ARHGAP22: variants seen among roughly 807,000 people sequenced by gnomAD.
ARHGAP22 encodes the protein Rho GTPase activating protein 22.
In ARHGAP22, 48 loss-of-function variants were observed where a neutral mutation model predicts 59.1. That is an observed-to-expected ratio of 0.81 (90% CI 0.64 to 1.03). The LOEUF (loss-of-function observed/expected upper bound fraction) is 1.03. Ranked by LOEUF, ARHGAP22 falls within the 50% of genes least tolerant of loss-of-function variation. The pLI, the probability that ARHGAP22 is intolerant of heterozygous loss-of-function variation, is 0.00. For missense variants in ARHGAP22, 1,015 were observed against 958.7 expected, an observed-to-expected ratio of 1.06 and a Z score of -0.78; for synonymous variants, 445 against 416.4, an observed-to-expected ratio of 1.07 and a Z score of -0.84.
chr10:48,615,669 T>G (rs1005414466), intron 1 of ARHGAP22, among the ~76,000 whole-genome samples: 1 of 152,132 alleles, frequency 6.6e-6, no homozygotes, highest in African/African-American at 2.4e-5. Context: ...GATATTGGAC[T>G]TACTAGACAA....
chr10:48,616,476 T>C (rs541177193), intron 1 of ARHGAP22, among the ~76,000 whole-genome samples: 13 of 152,260 alleles, frequency 8.5e-5, no homozygotes, highest in African/African-American at 2.9e-4. Context: ...GACATGACTG[T>C]ATATATCACA....
downstream of ARHGAP22, among the ~76,000 whole-genome samples, chr10:48,441,474 C>CAT (rs903301687): frequency 1.5e-5 from 2 of 136,872 alleles, no homozygotes; most frequent in Non-Finnish European, 3.0e-5. Context: ...TTTTTTGAGA[C>CAT]AGAGTCTCGC....
At chr10:48,630,699 T>G (rs1164218065) in intron 1 of ARHGAP22, among the ~76,000 whole-genome samples, 1 of 152,240 alleles carries the variant, frequency 6.6e-6, no homozygotes, top group East Asian at 1.9e-4. Flanking sequence ...CCATCAATTT[T>G]ATGGAATTTT....
the ARHGAP22 span, among the ~76,000 whole-genome samples, chr10:48,433,012 T>G: frequency 6.6e-6 from 1 of 152,246 alleles, no homozygotes; most frequent in Non-Finnish European, 1.5e-5. Context: ...TTTATTCTTT[T>G]TCCCTGTCGA....
At chr10:48,540,130 T>A in intron 3 of ARHGAP22, among the ~76,000 whole-genome samples, 1 of 152,188 alleles carries the variant, frequency 6.6e-6, no homozygotes, top group Non-Finnish European at 1.5e-5. Context: ...ATTAAGAGTG[T>A]CAAATAAGTC....
At chr10:48,527,979 T>C (rs2054486698) in intron 3 of ARHGAP22, among the ~76,000 whole-genome samples, 1 of 152,150 alleles carries the variant, frequency 6.6e-6, no homozygotes, top group Non-Finnish European at 1.5e-5. Flanking sequence ...GACACCAGCT[T>C]TGAGGACAAA....
Position 48,616,547 on chromosome 10 carries a change from A to T in ARHGAP22, c.53-33395T>A, listed in dbSNP as rs141347657. On this transcript the variant is annotated intron_variant, in intron 1 of 9. Transcript: ENST00000435790. The stretch of plus-strand genomic sequence containing the variant: ...TCTGTACTAAGTCACATTATAATCA[A>T]ATTGTCAAAAGCCAGCGTCAGGGAG... 5.1e-3 allele frequency among the ~76,000 whole-genome samples: 783 copies of T among 152,288 alleles called. 10 individuals carry two copies. The highest frequency in any genetic ancestry group is 0.018 in the African/African-American group (755 of 41,564).
chr10:48,586,830 C>T (rs1166190257), intron 1 of ARHGAP22, among the ~76,000 whole-genome samples: 2 of 152,154 alleles, frequency 1.3e-5, no homozygotes, highest in Non-Finnish European at 1.5e-5. Flanking sequence ...AGCTGATTGC[C>T]CACAGCAGGA....
intron 3 of ARHGAP22, among the ~76,000 whole-genome samples, chr10:48,498,507 T>C (rs2134330543): frequency 6.6e-6 from 1 of 152,284 alleles, no homozygotes; most frequent in South Asian, 2.1e-4. Context: ...CACAAGGATT[T>C]AGAGCCCTCT....
At chr10:48,654,586 C>T (rs1376883576), upstream of ARHGAP22, among the ~76,000 whole-genome samples, 1 of 152,146 alleles carries the variant, frequency 6.6e-6, no homozygotes, top group Non-Finnish European at 1.5e-5. Context: ...GGCACTGCAA[C>T]CAAGGTTGGG....
chr10:48,640,445 T>A (rs759518423), intron 1 of ARHGAP22, among the ~76,000 whole-genome samples: 1 of 152,114 alleles, frequency 6.6e-6, no homozygotes, highest in Non-Finnish European at 1.5e-5. Flanking sequence ...GACAAACTCT[T>A]GAAAGTCAAA....
intron 4 of ARHGAP22, 47 bp downstream of exon 4, chr10:48,479,589 T>C: frequency 6.2e-7 from 1 of 1,613,438 alleles, no homozygotes; most frequent in African/African-American, 1.3e-5. Context: ...CATGATTACC[T>C]GGAGGCAAGG....
At chr10:48,552,301 G>A (rs906674627) in intron 3 of ARHGAP22, among the ~76,000 whole-genome samples, 1 of 152,268 alleles carries the variant, frequency 6.6e-6, no homozygotes, top group Non-Finnish European at 1.5e-5. Context: ...GTGATCCGGG[G>A]TTTGTCCTCC....
At chr10:48,602,732 C>T (rs190045145) in intron 1 of ARHGAP22, among the ~76,000 whole-genome samples, 342 of 152,276 alleles carry the variant, frequency 2.2e-3, no homozygotes, top group African/African-American at 7.8e-3. Context: ...TCACGAAGCT[C>T]ATGGAGCAAT....
At chr10:48,574,237 T>C (rs961069075) in intron 2 of ARHGAP22, among the ~76,000 whole-genome samples, 1 of 151,722 alleles carries the variant, frequency 6.6e-6, no homozygotes, top group Non-Finnish European at 1.5e-5. Flanking sequence ...TTTTCTCATT[T>C]ATTCATTCAT....
chr10:48,550,114 T>G (rs1255699500), intron 3 of ARHGAP22, among the ~76,000 whole-genome samples: 1 of 152,234 alleles, frequency 6.6e-6, no homozygotes, highest in Non-Finnish European at 1.5e-5. Context: ...TCTGCCCAGC[T>G]GCTCTCCCTG....
chr10:48,518,911 A>T (rs1242739707), intron 3 of ARHGAP22, among the ~76,000 whole-genome samples: 1 of 152,232 alleles, frequency 6.6e-6, no homozygotes, highest in East Asian at 1.9e-4. Flanking sequence ...GAAAAGGATG[A>T]AATTGAGAAT....
At chr10:48,620,182 TCA>T (rs1257430260) in intron 1 of ARHGAP22, among the ~76,000 whole-genome samples, 1 of 152,096 alleles carries the variant, frequency 6.6e-6, no homozygotes, top group Non-Finnish European at 1.5e-5. Context: ...ATACAGTTCC[TCA>T]CAGAGTTTAT....
chr10:48,593,427 A>G (rs1023175866), intron 1 of ARHGAP22, among the ~76,000 whole-genome samples: 1 of 152,222 alleles, frequency 6.6e-6, no homozygotes, highest in African/African-American at 2.4e-5. Context: ...GTAGTACTGA[A>G]CCCTGTATAC....
Sources: allele counts gnomAD v4.1 joint callset (sites outside exome capture counted in the v4.1 genomes callset), GRCh38; gene constraint gnomAD v4.1.1; transcripts MANE v1.5; gene names NCBI Gene and HGNC (gene_info 2026-07-23, HGNC 2026-07-21).